The following CHL1 variants were observed in gnomAD, a reference collection of about 807,000 sequenced individuals.
The protein encoded by CHL1 is cell adhesion molecule L1 like.
CHL1 carries 96 observed loss-of-function variants against 141.9 expected under a neutral mutation model. The ratio of observed to expected loss-of-function variants is 0.68; its 90% confidence interval spans 0.57 to 0.80. The LOEUF (loss-of-function observed/expected upper bound fraction) is 0.80, where lower values mean the gene tolerates loss of function less well. CHL1 is among the 30% of genes least tolerant of loss of function. CHL1 has a pLI of 0.00. For synonymous variants in CHL1, 613 were observed against 502.2 expected (o/e 1.22, Z -2.95); for missense variants, 1,820 against 1,457.2 (o/e 1.25, Z -4.05).
In CHL1 at chr3:319,808, T is replaced by C; in HGVS notation, c.32T>C (p.Ile11Thr). ...CCGCTTTTACTTGGAAGAGGACTAA[T>C]CGTATATCTAATGTTCCTCCTGTTA... MEPLLLGRGL[I>T]VYLMFLLLKF... The change falls in exon 3 of 28, where the codon ATC (isoleucine) becomes ACC (threonine). Residue 11 changes from isoleucine to threonine, a missense_variant. Ile to Thr is a moderately conservative substitution (Grantham distance 89). Coordinates refer to ENST00000256509, the MANE Select transcript of CHL1 (RefSeq NM_006614.4). 1 of 1,608,144 alleles carries C rather than the reference T, an allele frequency of 6.2e-7. No homozygotes were observed.
rs1030091292 is a variant in CHL1, at chr3:398,312, A to G, written c.3180A>G (p.Ile1060Met). 1 of 1,608,208 alleles carries G rather than the reference A, an allele frequency of 6.2e-7. No homozygotes were observed. The highest frequency in any genetic ancestry group is 8.5e-7 in the Non-Finnish European group (1 of 1,174,692). ...TATTTGAGCCGGGAGCTGAACATAT[A>G]GTTCGCCTAATGACTAAGAATTGGG... ...IEVFEPGAEH[I>M]VRLMTKNWGD... is the part of the protein sequence containing the mutation. The change falls in exon 25 of 28, where the codon ATA becomes ATG. Residue 1060 changes from isoleucine to methionine, a missense_variant. Transcript: ENST00000256509.
At chr3:270,049 G>T (rs955750850) in intron 2 of CHL1, among the ~76,000 whole-genome samples, 2 of 152,166 alleles carry the variant, frequency 1.3e-5, no homozygotes, top group Non-Finnish European at 2.9e-5. Flanking sequence ...TGCTAAAGAG[G>T]AAGGGGGAAT....
At chr3:261,110 C>T (rs1019360433) in intron 2 of CHL1, among the ~76,000 whole-genome samples, 1 of 152,114 alleles carries the variant, frequency 6.6e-6, no homozygotes, top group African/African-American at 2.4e-5. Flanking sequence ...AAGGGCACAC[C>T]CTATGGCTTT....
At chr3:270,745 C>A (rs1453119430) in intron 2 of CHL1, among the ~76,000 whole-genome samples, 1 of 152,228 alleles carries the variant, frequency 6.6e-6, no homozygotes, top group Non-Finnish European at 1.5e-5. Flanking sequence ...TTAGCTGGGG[C>A]TGCAGTTATA....
chr3:253,782 C>T lies in CHL1; in HGVS notation c.-95+9090C>T, dbSNP rs151009164. Among the ~76,000 whole-genome samples, 733 of 152,200 alleles carry T rather than the reference C, an allele frequency of 4.8e-3. 4 individuals carry two copies. The highest frequency in any genetic ancestry group is 0.013 in the Admixed American group (200 of 15,266). On this transcript the variant is annotated intron_variant, in intron 2 of 27. Transcript: ENST00000256509. Reference sequence around the variant, plus strand: ...AAACCTCTACCACCTACTAGGTTCTCAGTAAATATTGGACGAATAAATGGA... The same window carrying T: ...AAACCTCTACCACCTACTAGGTTCTTAGTAAATATTGGACGAATAAATGGA...
Position 354,771 on chromosome 3 carries a change from A to G in CHL1, c.1165A>G (p.Asn389Asp), listed in dbSNP as rs1559300027. ...KWRVNGSPVD[N>D]HPFAGDVVFP... Reference sequence around the variant, plus strand: ...GAGAGTCAATGGCTCCCCAGTTGACAGTAAGTTTAAAAACCAATTGCAATG... The same window carrying G: ...GAGAGTCAATGGCTCCCCAGTTGACGGTAAGTTTAAAAACCAATTGCAATG... Residue 389 changes from asparagine to aspartate, a missense_variant and splice_region_variant, in exon 11 of 28, where the codon AAT becomes GAT. By Grantham distance (23) the Asn-to-Asp change is conservative. Transcript: ENST00000256509. 2 of 1,613,446 alleles carry G rather than the reference A, an allele frequency of 1.2e-6. No individual in the cohort carries two copies. Among genetic ancestry groups the G allele is most frequent in the Non-Finnish European group, 1.7e-6 (2 of 1,179,620 alleles).
intron 2 of CHL1, among the ~76,000 whole-genome samples, chr3:308,262 G>A (rs1413452353): frequency 6.6e-6 from 1 of 152,180 alleles, no homozygotes; most frequent in African/African-American, 2.4e-5. Flanking sequence ...CGTTCATCCA[G>A]AAGGATTTAT....
At chr3:306,314 G>A (rs1039227562) in intron 2 of CHL1, among the ~76,000 whole-genome samples, 2 of 152,092 alleles carry the variant, frequency 1.3e-5, no homozygotes, top group South Asian at 2.1e-4. Flanking sequence ...GGCTTGAATA[G>A]AATACGTTTG....
rs371091762 is a variant in CHL1, at chr3:349,563, C to A, written c.1033+20C>A. ...TAGAAGGTACCTTTCCCATGTTGGT[C>A]TATTTCTCTGCTTTTCAAAAAAGTA... is the stretch of plus-strand genomic sequence containing the variant. On this transcript the variant is annotated intron_variant, in intron 10 of 27. Transcript: ENST00000256509. 1 of 1,598,982 alleles carries A rather than the reference C, an allele frequency of 6.3e-7. No individual in the cohort carries two copies.
At chr3:209,147 T>A (rs1009660253) in intron 1 of CHL1, among the ~76,000 whole-genome samples, 12 of 152,190 alleles carry the variant, frequency 7.9e-5, no homozygotes, top group African/African-American at 2.7e-4. Context: ...TTGGCAAAAA[T>A]TCACTAAAAT....
chr3:281,821 A>G (rs1696685360), intron 2 of CHL1, among the ~76,000 whole-genome samples: 1 of 152,160 alleles, frequency 6.6e-6, no homozygotes, highest in Admixed American at 6.5e-5. Flanking sequence ...TGGCCTCCCA[A>G]AGTGCTGGGA....
intron 2 of CHL1, among the ~76,000 whole-genome samples, chr3:283,236 G>A (rs1212228581): frequency 6.6e-6 from 1 of 152,186 alleles, no homozygotes; most frequent in Non-Finnish European, 1.5e-5. Context: ...AATATCATTA[G>A]CATTCAATGC....
intron 15 of CHL1, among the ~76,000 whole-genome samples, chr3:367,100 T>C (rs1226734950): frequency 6.6e-6 from 1 of 152,236 alleles, no homozygotes; most frequent in Non-Finnish European, 1.5e-5. Flanking sequence ...GGATGCTTAA[T>C]AGCACTAGAT....
chr3:311,162 A>G (rs1480301526), intron 2 of CHL1, among the ~76,000 whole-genome samples: 1 of 152,210 alleles, frequency 6.6e-6, no homozygotes, highest in Non-Finnish European at 1.5e-5. Flanking sequence ...TTTGATAAAT[A>G]TAAATAAAGC....
intron 1 of CHL1, among the ~76,000 whole-genome samples, chr3:206,329 A>G (rs1356646014): frequency 3.3e-5 from 5 of 152,096 alleles, no homozygotes; most frequent in African/African-American, 9.7e-5. Flanking sequence ...TTAGCTGGGC[A>G]TGATGGCATG....
At chr3:278,576 C>A (rs965768664) in intron 2 of CHL1, among the ~76,000 whole-genome samples, 1 of 152,308 alleles carries the variant, frequency 6.6e-6, no homozygotes, top group African/African-American at 2.4e-5. Context: ...GGCTTCATGA[C>A]TGGCATAAAA....
intron 5 of CHL1, among the ~76,000 whole-genome samples, chr3:337,631 C>T (rs550993898): frequency 2.0e-5 from 3 of 151,184 alleles, no homozygotes; most frequent in South Asian, 2.1e-4. Flanking sequence ...GTTTTTTGTC[C>T]TTGCGATAAT....
In CHL1 at chr3:295,782, C is replaced by G. The variant is rs573517934; in HGVS notation, c.-94-23901C>G. Among the ~76,000 whole-genome samples, 96 of 152,280 alleles carry G rather than the reference C, an allele frequency of 6.3e-4. 1 individual carries two copies. The highest frequency in any genetic ancestry group is 6.8e-3 in the Middle Eastern group (2 of 294). On this transcript the variant is annotated intron_variant, in intron 2 of 27. Coordinates refer to ENST00000256509, the MANE Select transcript of CHL1 (RefSeq NM_006614.4). ...TGGCTGTGGCTTTTCTTTTGTACTT[C>G]CGTTACTATTAACTATATGCAAGTT... is the stretch of plus-strand genomic sequence containing the variant.
chr3:215,215 T>C (rs898688346), intron 1 of CHL1, among the ~76,000 whole-genome samples: 1 of 152,134 alleles, frequency 6.6e-6, no homozygotes, highest in Non-Finnish European at 1.5e-5. Context: ...ATATACACAA[T>C]TGAATAGTAC....
Sources: gnomAD v4.1 joint callset for allele counts (sites outside exome capture counted in the v4.1 genomes callset) on GRCh38, gnomAD v4.1.1 for gene constraint, MANE v1.5 for transcripts, NCBI Gene and HGNC (gene_info 2026-07-23, HGNC 2026-07-21) for gene names.